ZFPM1: variants seen among roughly 807,000 people sequenced by gnomAD.
ZFPM1 encodes the protein zinc finger protein, FOG family member 1, also known as zinc finger protein ZFPM1.
Under a neutral mutation model 46.3 loss-of-function variants are expected in ZFPM1, and 28 were observed. The ratio of observed to expected loss-of-function variants is 0.60; its 90% CI spans 0.45 to 0.83. The LOEUF is 0.83. Ranked by LOEUF, ZFPM1 falls within the 40% of genes least tolerant of loss-of-function variation. The probability of loss-of-function intolerance (pLI) is 0.00; values close to 1 mark genes in which losing one functional copy is unlikely to be tolerated. For synonymous variants in ZFPM1, 957 were observed against 675.9 expected (o/e 1.42, Z -6.45); for missense variants, 1,878 against 1,432.4 (o/e 1.31, Z -5.02).
At chr16:88,485,198 G>A (rs1909150161) in intron 1 of ZFPM1, among the ~76,000 whole-genome samples, 1 of 152,192 alleles carries the variant, frequency 6.6e-6, no homozygotes, top group Admixed American at 6.5e-5. Flanking sequence ...TGGACGCTGG[G>A]CCTACAGTAC....
intron 3 of ZFPM1, among the ~76,000 whole-genome samples, chr16:88,495,084 G>A (rs1214810152): frequency 1.3e-5 from 2 of 152,226 alleles, no homozygotes; most frequent in African/African-American, 4.8e-5. Flanking sequence ...GTGGGATGTG[G>A]GGCTGAGTCC....
chr16:88,533,009 C>T (rs1033496129), intron 9 of ZFPM1, 74 bp downstream of exon 9: 110 of 1,582,802 alleles, frequency 6.9e-5, no homozygotes, highest in Non-Finnish European at 9.2e-5. Flanking sequence ...GCTTGTCGCC[C>T]AAGACAGGTG....
intron 1 of ZFPM1, among the ~76,000 whole-genome samples, chr16:88,475,137 G>C (rs1309069193): frequency 6.6e-6 from 1 of 152,236 alleles, no homozygotes; most frequent in Non-Finnish European, 1.5e-5. Context: ...TGGTCAGAGG[G>C]AGCCACAGCT....
chr16:88,455,579 C>T (rs1042032627), intron 1 of ZFPM1, among the ~76,000 whole-genome samples: 1 of 151,084 alleles, frequency 6.6e-6, no homozygotes, highest in South Asian at 2.1e-4. Flanking sequence ...CACCTGCGGC[C>T]GGGCCGCGAG....
chr16:88,531,088 A>G (rs548315901), intron 6 of ZFPM1: 1 of 152,354 alleles, frequency 6.6e-6, no homozygotes, highest in African/African-American at 2.4e-5. Context: ...AGAGGCAGAA[A>G]CCAGATATCA....
intron 3 of ZFPM1, among the ~76,000 whole-genome samples, chr16:88,502,711 G>A (rs1055152721): frequency 6.6e-6 from 1 of 152,252 alleles, no homozygotes; most frequent in Admixed American, 6.5e-5. Flanking sequence ...TCAGCAGTTG[G>A]CTCCTGGGAA....
intron 1 of ZFPM1, among the ~76,000 whole-genome samples, chr16:88,484,391 C>G (rs1022930820): frequency 6.6e-6 from 1 of 152,242 alleles, no homozygotes; most frequent in Non-Finnish European, 1.5e-5. Context: ...CTCAGGCCTT[C>G]CCTCTGGTGT....
intron 4 of ZFPM1, among the ~76,000 whole-genome samples, chr16:88,522,611 G>A (rs1255602496): frequency 1.3e-5 from 2 of 152,242 alleles, no homozygotes; most frequent in African/African-American, 2.4e-5. Flanking sequence ...GATGGCTATC[G>A]GTGCCACCGC....
chr16:88,515,017 T>G (rs1219660635), intron 4 of ZFPM1, among the ~76,000 whole-genome samples: 2 of 152,206 alleles, frequency 1.3e-5, no homozygotes, highest in Non-Finnish European at 1.5e-5. Flanking sequence ...TGGCAGAGCC[T>G]TCCAAGGCAG....
rs78480348 is a variant in ZFPM1, at chr16:88,475,688, G to C, written c.41-10251G>C. On this transcript the variant is annotated intron_variant, in intron 1 of 9. Transcript: ENST00000319555. The stretch of plus-strand genomic sequence containing the variant: ...CTGCTGGGTCAGCACACCTGGATCT[G>C]TGCTATCTGTGTGGCCACCCCGAGG... Among the ~76,000 whole-genome samples the C allele has an allele frequency of 4.8e-3, 737 of 152,316 alleles. 8 individuals are homozygous for C. The highest frequency in any genetic ancestry group is 0.017 in the African/African-American group (705 of 41,574).
rs774507535 is a variant in ZFPM1 at position 88,528,168 on chromosome 16, T to G, written c.642T>G (p.Pro214=). 3.7e-6 allele frequency: 6 copies of G among 1,609,642 alleles called. No individual in the cohort carries two copies. In the East Asian group the frequency reaches 1.3e-4, roughly 36 times the overall value. The change falls in exon 6 of 10, where the codon CCT becomes CCG. Residue 214 remains proline (P), a synonymous_variant. Coordinates refer to ENST00000319555, the MANE Select transcript of ZFPM1 (RefSeq NM_153813.3). ...KEPAEPTCPA[P]AHDLQLLPQQ... is the part of the protein sequence containing the mutation. ...CAGCAGAGCCCACGTGCCCGGCCCC[T>G]GCACACGACCTCCAGCTCCTGCCCC...
intron 6 of ZFPM1, among the ~76,000 whole-genome samples, chr16:88,530,127 A>G (rs1912670993): frequency 6.6e-6 from 1 of 151,982 alleles, no homozygotes; most frequent in South Asian, 2.1e-4. Flanking sequence ...CTCCACCAGG[A>G]TGGAGAGGGG....
At chr16:88,453,968 G>C (rs1907416058) in intron 1 of ZFPM1, among the ~76,000 whole-genome samples, 1 of 152,164 alleles carries the variant, frequency 6.6e-6, no homozygotes, top group African/African-American at 2.4e-5. Flanking sequence ...CTCGCGGCCT[G>C]CCCCTCCCCC....
chr16:88,479,578 C>T (rs973975067), intron 1 of ZFPM1, among the ~76,000 whole-genome samples: 3 of 152,118 alleles, frequency 2.0e-5, no homozygotes, highest in Non-Finnish European at 4.4e-5. Flanking sequence ...CCCAAGCTGC[C>T]CGCTGCCCAG....
In ZFPM1 at chr16:88,528,249, G is replaced by C; in HGVS notation, c.712+11G>C. Reference sequence around the variant, plus strand: ...CCGCAGTGATCAACAGTAAGTGCTGGGCTCTCCGCACCCAGGGCGGCTGCT... The same window carrying C: ...CCGCAGTGATCAACAGTAAGTGCTGCGCTCTCCGCACCCAGGGCGGCTGCT... On this transcript the variant is annotated intron_variant, in intron 6 of 9. Transcript: ENST00000319555. 2 of 1,587,100 alleles carry C rather than the reference G, an allele frequency of 1.3e-6. No individual in the cohort carries two copies. The highest frequency in any genetic ancestry group is 2.2e-5 in the South Asian group (2 of 89,112).
At position 88,532,084 on chromosome 16, in the gene ZFPM1, C is replaced by A; in HGVS notation, c.795C>A (p.Ala265=). ...AGGCGCACCTGCTCTACTACTGCGC[C>A]AGCCGCCAGGGCACCGGCTCCCCGG... ...NLQAHLLYYC[A]SRQGTGSPAA... is the part of the protein sequence containing the mutation. Residue 265 remains alanine (A), a synonymous_variant, in exon 7 of 10, where the codon GCC becomes GCA. Transcript: ENST00000319555. The A allele has an allele frequency of 6.2e-7, 1 of 1,612,488 alleles. No individual in the cohort carries two copies. The highest frequency in any genetic ancestry group is 8.5e-7 in the Non-Finnish European group (1 of 1,179,746).
At position 88,534,964 on chromosome 16, in the gene ZFPM1, C is replaced by T. The variant is rs903634466; in HGVS notation, c.3006C>T (p.Ala1002=). ...AGTATTACTGCTCCTCGCACGCCGC[C>T]GAGCACGTGAAGTGAGCGCCCACAC... is the stretch of plus-strand genomic sequence containing the variant. ...HKKYYCSSHA[A]EHVK Residue 1002 remains alanine (A), a synonymous_variant, in exon 10 of 10, where the codon GCC becomes GCT. Coordinates refer to ENST00000319555, the MANE Select transcript of ZFPM1 (RefSeq NM_153813.3). 9.5e-6 allele frequency: 14 copies of T among 1,470,386 alleles called. No individual in the cohort carries two copies. The highest frequency in any genetic ancestry group is 8.2e-5 in the East Asian group (3 of 36,606). The allele number at this position is 1,470,386 out of a possible 1,614,324, so 91.1% of individuals were successfully genotyped here.
At position 88,486,046 on chromosome 16, in the gene ZFPM1, G is replaced by A. The variant is rs747749553; in HGVS notation, c.145+3G>A. On this transcript the variant is annotated splice_donor_region_variant and intron_variant, in intron 2 of 9. Transcript: ENST00000319555. Reference sequence around the variant, plus strand: ...AGCCCCGAGCCCTCCCAGCGCAGGTGAGTCAGACTGAGCCCTCTCACCGCG... The same window carrying A: ...AGCCCCGAGCCCTCCCAGCGCAGGTAAGTCAGACTGAGCCCTCTCACCGCG... 9 of 1,609,970 alleles carry A rather than the reference G, an allele frequency of 5.6e-6. No individual in the cohort carries two copies. The Admixed American group carries it at 1.2e-4, about 21-fold the overall frequency.
rs1907750725 is a variant in ZFPM1 at position 88,460,124 on chromosome 16, C to T, written c.40+6446C>T. ...TGGGGCTTCCCTTTGGCGAAGGCAG[C>T]GAGGAGGGGCTGAGATGATGCTCCT... is the stretch of plus-strand genomic sequence containing the variant. On this transcript the variant is annotated intron_variant, in intron 1 of 9. Transcript: ENST00000319555. Among the ~76,000 whole-genome samples the T allele has an allele frequency of 3.3e-5, 5 of 152,058 alleles. No homozygotes were observed. The South Asian group carries it at 8.3e-4, about 25-fold the overall frequency.
Sources: allele counts gnomAD v4.1 joint callset (sites outside exome capture counted in the v4.1 genomes callset), GRCh38; gene constraint gnomAD v4.1.1; transcripts MANE v1.5; gene names NCBI Gene and HGNC (gene_info 2026-07-23, HGNC 2026-07-21).